GPC5: variants seen among roughly 807,000 people sequenced by gnomAD.
The protein encoded by GPC5 is glypican-5.
GPC5 carries 47 observed loss-of-function variants against 53.9 expected under a neutral mutation model. The ratio of observed to expected loss-of-function variants is 0.87; its 90% CI spans 0.69 to 1.11. The LOEUF (loss-of-function observed/expected upper bound fraction) is 1.11. GPC5 is among the 50% of genes most tolerant of loss of function. The pLI is 0.00. For synonymous variants in GPC5, 286 were observed against 263.3 expected (o/e 1.09, Z -0.84); for missense variants, 748 against 713.1 (o/e 1.05, Z -0.56).
intron 7 of GPC5, among the ~76,000 whole-genome samples, chr13:92,817,829 G>A (rs1178590758): frequency 6.6e-6 from 1 of 151,780 alleles, no homozygotes; most frequent in Non-Finnish European, 1.5e-5. Flanking sequence ...TTAATCATAA[G>A]TCACTCAGAA....
chr13:91,916,191 A>G (rs898773876), intron 6 of GPC5, among the ~76,000 whole-genome samples: 1 of 152,210 alleles, frequency 6.6e-6, no homozygotes, highest in Non-Finnish European at 1.5e-5. Flanking sequence ...ACTCTCAAAC[A>G]TTGCTGATGG....
chr13:92,402,478 G>T (rs987441623), intron 7 of GPC5, among the ~76,000 whole-genome samples: 1 of 152,024 alleles, frequency 6.6e-6, no homozygotes, highest in Non-Finnish European at 1.5e-5. Flanking sequence ...CACATTTTTG[G>T]TTTTTTGTTT....
In GPC5 at chr13:92,292,517, G is replaced by A. The variant is rs552613114; in HGVS notation, c.1561+147528G>A. Among the ~76,000 whole-genome samples the A allele has an allele frequency of 2.6e-5, 4 of 152,070 alleles. 1 individual carries two copies. In the South Asian group the frequency reaches 8.3e-4, roughly 32 times the overall value. The stretch of plus-strand genomic sequence containing the variant: ...TATTCATGTCCTTAGCCCACTTTTT[G>A]ATGGGATTTTTTTTTCTTGTTGATT... On this transcript the variant is annotated intron_variant, in intron 7 of 7. Coordinates refer to ENST00000377067, the MANE Select transcript of GPC5 (RefSeq NM_004466.6).
chr13:92,379,166 G>T (rs549984269), intron 7 of GPC5, among the ~76,000 whole-genome samples: 1 of 152,304 alleles, frequency 6.6e-6, no homozygotes, highest in African/African-American at 2.4e-5. Flanking sequence ...AATATTTGCA[G>T]AGACATTCTC....
chr13:92,557,288 C>T (rs1486771378), intron 7 of GPC5, among the ~76,000 whole-genome samples: 1 of 151,838 alleles, frequency 6.6e-6, no homozygotes, highest in Non-Finnish European at 1.5e-5. Context: ...TTCTGTCTTA[C>T]CATGTTGATG....
chr13:92,149,364 G>GTAGGCT (rs1566457110), intron 7 of GPC5, among the ~76,000 whole-genome samples: 1 of 152,048 alleles, frequency 6.6e-6, no homozygotes, highest in Non-Finnish European at 1.5e-5. Flanking sequence ...GAGGTAGGAG[G>GTAGGCT]TAGGCTTATT....
At chr13:91,938,580 T>C (rs182732910) in intron 6 of GPC5, among the ~76,000 whole-genome samples, 1 of 152,256 alleles carries the variant, frequency 6.6e-6, no homozygotes, top group Admixed American at 6.5e-5. Flanking sequence ...AGAATAGATG[T>C]CAAGGCCACT....
chr13:92,144,737 C>A, intron 6 of GPC5, 93 bp from the exon 7 acceptor site: 1 of 1,233,372 alleles, frequency 8.1e-7, no homozygotes, highest in Non-Finnish European at 1.1e-6. Flanking sequence ...AGTGGATCCA[C>A]ATAACAAAAT....
At chr13:91,915,025 CTCTT>C (rs2039645225) in intron 6 of GPC5, among the ~76,000 whole-genome samples, 1 of 152,142 alleles carries the variant, frequency 6.6e-6, no homozygotes, top group South Asian at 2.1e-4. Context: ...CTTGTATAGA[CTCTT>C]TCCCTTCTTT....
At chr13:91,978,596 GAC>G (rs2040329117) in intron 6 of GPC5, among the ~76,000 whole-genome samples, 1 of 152,158 alleles carries the variant, frequency 6.6e-6, no homozygotes, top group Admixed American at 6.5e-5. Context: ...GTTACCATGA[GAC>G]ACACAGGAAG....
At chr13:92,094,688 T>C (rs1267945682) in intron 6 of GPC5, among the ~76,000 whole-genome samples, 1 of 151,968 alleles carries the variant, frequency 6.6e-6, no homozygotes, top group Non-Finnish European at 1.5e-5. Context: ...TTCCTTTTAA[T>C]ATACATGTTC....
At chr13:92,742,979 C>G (rs1324289715) in intron 7 of GPC5, among the ~76,000 whole-genome samples, 1 of 152,122 alleles carries the variant, frequency 6.6e-6, no homozygotes, top group Non-Finnish European at 1.5e-5. Context: ...GTTTTCATTA[C>G]TGTAGCCTTG....
chr13:92,137,475 G>A (rs1253477798), intron 6 of GPC5, among the ~76,000 whole-genome samples: 1 of 152,304 alleles, frequency 6.6e-6, no homozygotes, highest in East Asian at 1.9e-4. Context: ...TGGGGTAGCA[G>A]TGTCAGCTCC....
At chr13:92,502,016 G>A (rs2138934375) in intron 7 of GPC5, among the ~76,000 whole-genome samples, 1 of 152,034 alleles carries the variant, frequency 6.6e-6, no homozygotes, top group East Asian at 1.9e-4. Context: ...CGAAAGAAGA[G>A]CGACAAAAAT....
Position 92,217,410 on chromosome 13 carries a change from C to T in GPC5, c.1561+72421C>T, listed in dbSNP as rs1247428045. On this transcript the variant is annotated intron_variant, in intron 7 of 7. Coordinates refer to ENST00000377067, the MANE Select transcript of GPC5 (RefSeq NM_004466.6). ...TCACCTTCATTATCCAGTTTCTCAT[C>T]CTCTACCTTTCCCCAGGTGACAGCT... 2.0e-5 allele frequency among the ~76,000 whole-genome samples: 3 copies of T among 152,182 alleles called. No individual in the cohort carries two copies. The East Asian group carries it at 5.8e-4, about 29-fold the overall frequency.
intron 7 of GPC5, among the ~76,000 whole-genome samples, chr13:92,302,402 A>T (rs1316668496): frequency 1.3e-5 from 2 of 152,202 alleles, no homozygotes; most frequent in Non-Finnish European, 1.5e-5. Context: ...GTGCCCTTGG[A>T]TATAACCCAA....
intron 7 of GPC5, among the ~76,000 whole-genome samples, chr13:92,764,999 C>T (rs1427841628): frequency 1.3e-5 from 2 of 152,082 alleles, no homozygotes; most frequent in Non-Finnish European, 2.9e-5. Flanking sequence ...GCAAAAATAC[C>T]TCCTGGCAAA....
At chr13:91,862,974 CCTT>C (rs948837129) in intron 5 of GPC5, among the ~76,000 whole-genome samples, 3 of 151,262 alleles carry the variant, frequency 2.0e-5, no homozygotes, top group African/African-American at 4.9e-5. Flanking sequence ...TTTCCTTTCT[CCTT>C]CTCTTTCCCC....
chr13:91,656,760 A>C (rs773568467), intron 2 of GPC5, among the ~76,000 whole-genome samples: 1 of 152,176 alleles, frequency 6.6e-6, no homozygotes, highest in Non-Finnish European at 1.5e-5. Context: ...ATTTTTGGAT[A>C]ATTTTAAAAA....
Sources: allele counts gnomAD v4.1 joint callset (sites outside exome capture counted in the v4.1 genomes callset), GRCh38; gene constraint gnomAD v4.1.1; transcripts MANE v1.5; gene names NCBI Gene and HGNC (gene_info 2026-07-23, HGNC 2026-07-21).